RALYL: variants seen among roughly 807,000 people sequenced by gnomAD.
RALYL encodes the protein RALY RNA binding protein like.
Under a neutral mutation model 35.1 loss-of-function variants are expected in RALYL, and 29 were observed. The observed-to-expected ratio is 0.83, with a 90% CI of 0.61 to 1.13. The LOEUF (loss-of-function observed/expected upper bound fraction) is 1.13. Ranked by LOEUF, RALYL falls within the 50% of genes most tolerant of loss-of-function variation. The pLI is 0.00. For missense variants in RALYL, 359 were observed against 360.4 expected, an observed-to-expected ratio of 1.00 and a Z score of 0.03; for synonymous variants, 120 against 127.6, an observed-to-expected ratio of 0.94 and a Z score of 0.40.
intron 1 of RALYL, among the ~76,000 whole-genome samples, chr8:84,528,090 T>C (rs2059029483): frequency 6.6e-6 from 1 of 152,168 alleles, no homozygotes; most frequent in African/African-American, 2.4e-5. Flanking sequence ...AATTTAGAAA[T>C]ATCATTTTAA....
chr8:84,624,891 C>T lies in RALYL; in HGVS notation c.256+95314C>T, dbSNP rs567567665. ...TTGTCTTTTACCTCCCAAAATTTCT[C>T]CTAAACTTCTGTGCCCATAAGTAAA... On this transcript the variant is annotated intron_variant, in intron 2 of 8. Transcript: ENST00000521268. Among the ~76,000 whole-genome samples, 17 of 152,238 alleles carry T rather than the reference C, an allele frequency of 1.1e-4. No individual in the cohort carries two copies. The South Asian group carries it at 1.9e-3, about 17-fold the overall frequency.
intron 1 of RALYL, among the ~76,000 whole-genome samples, chr8:84,194,260 G>A (rs1193875771): frequency 2.0e-5 from 3 of 152,182 alleles, no homozygotes; most frequent in Non-Finnish European, 4.4e-5. Context: ...AGGATGACAA[G>A]TGAGGAGGTG....
chr8:84,557,924 T>G (rs1324925937), intron 2 of RALYL, among the ~76,000 whole-genome samples: 2 of 152,322 alleles, frequency 1.3e-5, no homozygotes, highest in East Asian at 3.9e-4. Flanking sequence ...TAAGACAATG[T>G]AGAAGTCTAC....
intron 1 of RALYL, among the ~76,000 whole-genome samples, chr8:84,417,929 C>A (rs952785875): frequency 7.2e-5 from 11 of 152,100 alleles, no homozygotes; most frequent in Admixed American, 7.2e-4. Flanking sequence ...CTATTTGGTT[C>A]TTCTTTCTTT....
intron 1 of RALYL, among the ~76,000 whole-genome samples, chr8:84,417,022 T>C (rs538107234): frequency 8.6e-5 from 13 of 151,974 alleles, no homozygotes; most frequent in African/African-American, 3.1e-4. Context: ...CTTTTCAAAG[T>C]GCAAGTAACC....
chr8:84,705,327 G>A (rs1841004142), intron 2 of RALYL, among the ~76,000 whole-genome samples: 1 of 152,094 alleles, frequency 6.6e-6, no homozygotes, highest in Non-Finnish European at 1.5e-5. Context: ...GAAGCTTCTG[G>A]AGAGGCTTCT....
chr8:84,542,515 TG>T (rs5892924), intron 2 of RALYL, among the ~76,000 whole-genome samples: 61,058 of 151,834 alleles, frequency 0.4, 12,338 homozygotes, highest in South Asian at 0.52. Flanking sequence ...AATTGAATCA[TG>T]GGGGGCAGTT....
rs1852702997 is a variant in RALYL at position 84,360,226 on chromosome 8, CT to C, written c.-23-169068del. 2.0e-5 allele frequency among the ~76,000 whole-genome samples: 3 copies of C among 152,252 alleles called. No individual in the cohort carries two copies. In the South Asian group the frequency reaches 6.2e-4, roughly 32 times the overall value. On this transcript the variant is annotated intron_variant, in intron 1 of 8. Coordinates refer to ENST00000521268, the MANE Select transcript of RALYL (RefSeq NM_173848.7). ...AAGTGTTACTTGAGTATCCTTTGAACTTTTTAGAGATTACTTTTTGCAGCTA... is the reference window on the plus strand; with the variant it reads ...AAGTGTTACTTGAGTATCCTTTGAACTTTTAGAGATTACTTTTTGCAGCTA...
intron 1 of RALYL, among the ~76,000 whole-genome samples, chr8:84,334,861 G>A (rs1847476915): frequency 6.6e-6 from 1 of 152,046 alleles, no homozygotes; most frequent in Admixed American, 6.6e-5. Flanking sequence ...GTCCCATTTA[G>A]AGTCAGAATT....
At chr8:84,529,081 TAA>T (rs1292341914) in intron 1 of RALYL, among the ~76,000 whole-genome samples, 2 of 152,184 alleles carry the variant, frequency 1.3e-5, no homozygotes, top group Non-Finnish European at 2.9e-5. Context: ...AACTGAATGT[TAA>T]GTGATTATGT....
At chr8:84,857,482 A>C (rs1837289827) in intron 5 of RALYL, among the ~76,000 whole-genome samples, 1 of 152,264 alleles carries the variant, frequency 6.6e-6, no homozygotes, top group Non-Finnish European at 1.5e-5. Context: ...TGAAAATTTA[A>C]TATTCAGTAA....
At chr8:84,269,553 C>T (rs1484947109) in intron 1 of RALYL, among the ~76,000 whole-genome samples, 1 of 151,938 alleles carries the variant, frequency 6.6e-6, no homozygotes, top group Non-Finnish European at 1.5e-5. Flanking sequence ...AATTATAAAC[C>T]ACATGCTGTC....
At chr8:84,913,637 C>T (rs189489594) in intron 8 of RALYL, among the ~76,000 whole-genome samples, 1 of 151,806 alleles carries the variant, frequency 6.6e-6, no homozygotes, top group Non-Finnish European at 1.5e-5. Context: ...TTTCCAATTC[C>T]TTCTACATCT....
At chr8:84,723,742 T>G (rs1316418790) in intron 2 of RALYL, among the ~76,000 whole-genome samples, 2 of 151,926 alleles carry the variant, frequency 1.3e-5, no homozygotes, top group Non-Finnish European at 2.9e-5. Flanking sequence ...TATTCTTCTC[T>G]TCTGTTTAAC....
intron 2 of RALYL, among the ~76,000 whole-genome samples, chr8:84,684,952 C>T (rs1201036575): frequency 6.6e-6 from 1 of 152,130 alleles, no homozygotes; most frequent in Non-Finnish European, 1.5e-5. Context: ...CCTGAGGCCT[C>T]CTCTCAGCTG....
At chr8:84,709,189 T>C (rs1262803871) in intron 2 of RALYL, among the ~76,000 whole-genome samples, 11 of 152,132 alleles carry the variant, frequency 7.2e-5, no homozygotes, top group Non-Finnish European at 1.3e-4. Flanking sequence ...TGAGAAAGTG[T>C]TCTGTAGGGT....
At chr8:84,505,361 T>C (rs1281131002) in intron 1 of RALYL, among the ~76,000 whole-genome samples, 1 of 152,178 alleles carries the variant, frequency 6.6e-6, no homozygotes, top group Non-Finnish European at 1.5e-5. Flanking sequence ...ACTCAGTTCA[T>C]ATTTTAATCT....
At chr8:84,281,703 G>T (rs1672202111) in intron 1 of RALYL, among the ~76,000 whole-genome samples, 2 of 151,976 alleles carry the variant, frequency 1.3e-5, no homozygotes, top group African/African-American at 4.8e-5. Flanking sequence ...AAAATTGTAT[G>T]TGTATGTGTG....
chr8:84,310,573 G>A (rs937377251), intron 1 of RALYL, among the ~76,000 whole-genome samples: 3 of 151,746 alleles, frequency 2.0e-5, no homozygotes, highest in Non-Finnish European at 4.4e-5. Context: ...AAGGGACGAA[G>A]GGACAAGAGC....
Sources: gnomAD v4.1 joint callset for allele counts (sites outside exome capture counted in the v4.1 genomes callset) on GRCh38, gnomAD v4.1.1 for gene constraint, MANE v1.5 for transcripts, NCBI Gene and HGNC (gene_info 2026-07-23, HGNC 2026-07-21) for gene names.